PIK3C2G: variants seen among roughly 807,000 people sequenced by gnomAD.
The protein encoded by PIK3C2G is phosphatidylinositol-4-phosphate 3-kinase catalytic subunit type 2 gamma, also known as phosphatidylinositol 3-kinase C2 domain-containing subunit gamma.
A neutral mutation model predicts 181.1 loss-of-function variants in PIK3C2G; 168 were observed. That is an observed-to-expected ratio of 0.93 (90% confidence interval 0.82 to 1.05). PIK3C2G has a LOEUF of 1.05. Among genes scored for constraint, PIK3C2G ranks in the 50% least tolerant of loss-of-function variants. The pLI, the probability that PIK3C2G is intolerant of heterozygous loss-of-function variation, is 0.00. For synonymous variants in PIK3C2G, 573 were observed against 592.2 expected (o/e 0.97, Z 0.47); for missense variants, 1,869 against 1,732.8 (o/e 1.08, Z -1.40).
At chr12:18,676,685 G>A in the PIK3C2G span, among the ~76,000 whole-genome samples, 1 of 152,252 alleles carries the variant, frequency 6.6e-6, no homozygotes, top group South Asian at 2.1e-4. Context: ...TACTATAAAT[G>A]TAATGAATTA....
intron 18 of PIK3C2G, among the ~76,000 whole-genome samples, chr12:18,477,246 A>G (rs1461542914): frequency 2.0e-5 from 3 of 152,228 alleles, no homozygotes; most frequent in South Asian, 4.1e-4. Context: ...GCTTTGGCAT[A>G]TGAGTTTTGG....
intron 7 of PIK3C2G, among the ~76,000 whole-genome samples, chr12:18,322,974 G>A (rs1446786713): frequency 2.0e-5 from 3 of 152,142 alleles, no homozygotes; most frequent in Admixed American, 1.3e-4. Context: ...AATATGGGAA[G>A]TTTTTCAAAA....
chr12:18,390,430 C>T (rs1267311263), intron 14 of PIK3C2G, among the ~76,000 whole-genome samples: 1 of 152,084 alleles, frequency 6.6e-6, no homozygotes, highest in Non-Finnish European at 1.5e-5. Context: ...TAGCCTGGAA[C>T]TGTCTTTTTG....
downstream of PIK3C2G, among the ~76,000 whole-genome samples, chr12:18,650,882 C>T (rs1950484027): frequency 6.6e-6 from 1 of 151,258 alleles, no homozygotes. Context: ...TGCTATCATC[C>T]TTGGCCTGGA....
chr12:18,594,713 A>T (rs1947264636), intron 30 of PIK3C2G, 144 bp downstream of exon 30: 1 of 449,040 alleles, frequency 2.2e-6, no homozygotes, highest in African/African-American at 2.1e-5. Context: ...CCATTTCCAT[A>T]GCGTAAACTT....
At chr12:18,628,927 G>GA (rs1592752249) in intron 31 of PIK3C2G, among the ~76,000 whole-genome samples, 2 of 152,068 alleles carry the variant, frequency 1.3e-5, no homozygotes, top group South Asian at 2.1e-4. Context: ...CCCCATCTCT[G>GA]AAAAAATAAT....
At chr12:18,297,781 T>C (rs191265507) in intron 5 of PIK3C2G, among the ~76,000 whole-genome samples, 9 of 152,034 alleles carry the variant, frequency 5.9e-5, no homozygotes, top group Non-Finnish European at 1.2e-4. Flanking sequence ...AGTAAGAATA[T>C]AGAATATTTT....
At position 18,282,484 on chromosome 12, in the gene PIK3C2G, G is replaced by T; in HGVS notation, c.403G>T (p.Gly135Cys). 2 of 1,612,862 alleles carry T rather than the reference G, an allele frequency of 1.2e-6. No individual in the cohort carries two copies. Reference sequence around the variant, plus strand: ...GGGAAGCCCCATAGGAAAACATCATGGTGCTGATGATTCCAGATTCAGTAT... The same window carrying T: ...GGGAAGCCCCATAGGAAAACATCATTGTGCTGATGATTCCAGATTCAGTAT... ...SWGSPIGKHH[G>C]ADDSRFSILA... The change falls in exon 2 of 33, where the codon GGT becomes TGT. Residue 135 changes from glycine to cysteine, a missense_variant. Physicochemically the swap from Gly to Cys is radical, Grantham distance 159. Coordinates refer to ENST00000538779, the MANE Select transcript of PIK3C2G (RefSeq NM_001288772.2).
chr12:18,438,431 A>G (rs977626921), intron 18 of PIK3C2G, among the ~76,000 whole-genome samples: 1 of 151,896 alleles, frequency 6.6e-6, no homozygotes, highest in African/African-American at 2.4e-5. Flanking sequence ...CTAATCATCT[A>G]ACTTTTCTGC....
At chr12:18,249,994 G>A (rs2136947417) in intron 1 of PIK3C2G, among the ~76,000 whole-genome samples, 1 of 151,952 alleles carries the variant, frequency 6.6e-6, no homozygotes. Flanking sequence ...AGGTAAATGG[G>A]GGATGCCCTG....
chr12:18,387,676 G>A lies in PIK3C2G; in HGVS notation c.1996-3446G>A, dbSNP rs115194442. ...TTAAGTGCCCTTCTTCTATGTTCACGTAATACCCAATAGCATTTTTATCAA... is the reference window on the plus strand; with the variant it reads ...TTAAGTGCCCTTCTTCTATGTTCACATAATACCCAATAGCATTTTTATCAA... On this transcript the variant is annotated intron_variant, in intron 14 of 32. Coordinates refer to ENST00000538779, the MANE Select transcript of PIK3C2G (RefSeq NM_001288772.2). Among the ~76,000 whole-genome samples, 1,171 of 152,100 alleles carry A rather than the reference G, an allele frequency of 7.7e-3. 15 individuals carry two copies. Among genetic ancestry groups the A allele is most frequent in the African/African-American group, 0.027 (1,111 of 41,478 alleles).
At chr12:18,536,417 T>A (rs1208020628) in intron 24 of PIK3C2G, among the ~76,000 whole-genome samples, 3 of 152,134 alleles carry the variant, frequency 2.0e-5, no homozygotes, top group African/African-American at 7.2e-5. Context: ...ATCTCCATTT[T>A]ACAAAGAAGG....
intron 9 of PIK3C2G, among the ~76,000 whole-genome samples, chr12:18,341,625 T>C (rs989110409): frequency 1.3e-5 from 2 of 152,154 alleles, no homozygotes; most frequent in Non-Finnish European, 2.9e-5. Context: ...CTTTTGTTCA[T>C]CTCTTTTTCC....
At chr12:18,427,744 G>C (rs1945916256) in intron 18 of PIK3C2G, among the ~76,000 whole-genome samples, 1 of 151,712 alleles carries the variant, frequency 6.6e-6, no homozygotes, top group Admixed American at 6.6e-5. Flanking sequence ...CAAAAAGGTT[G>C]GAAGGGAAGC....
chr12:18,521,015 G>GCTGCAGTTT (rs1443497931), intron 24 of PIK3C2G, among the ~76,000 whole-genome samples: 7 of 152,168 alleles, frequency 4.6e-5, no homozygotes, highest in African/African-American at 1.7e-4. Flanking sequence ...CTGTAGGGCT[G>GCTGCAGTTT]CTGCAGTTTG....
chr12:18,290,080 TA>T (rs1949624325), intron 3 of PIK3C2G, among the ~76,000 whole-genome samples: 3 of 152,194 alleles, frequency 2.0e-5, no homozygotes, highest in Admixed American at 6.5e-5. Context: ...ATGTCTTTTC[TA>T]TTGTAATAGA....
upstream of PIK3C2G, among the ~76,000 whole-genome samples, chr12:18,256,679 T>G (rs750699561): frequency 6.6e-6 from 1 of 152,142 alleles, no homozygotes; most frequent in Non-Finnish European, 1.5e-5. Context: ...TTCTGGCAAG[T>G]AATCTCCCTT....
chr12:18,641,024 A>G (rs1175742826), intron 32 of PIK3C2G, among the ~76,000 whole-genome samples: 17 of 152,148 alleles, frequency 1.1e-4, no homozygotes, highest in Admixed American at 1.1e-3. Flanking sequence ...GTAATGTGCA[A>G]TTCCCTAACT....
chr12:18,621,360 T>C (rs1455245266), intron 31 of PIK3C2G, among the ~76,000 whole-genome samples: 2 of 151,890 alleles, frequency 1.3e-5, no homozygotes, highest in East Asian at 3.9e-4. Flanking sequence ...TAGAAAAACT[T>C]GCCCAACTTC....
Sources: gnomAD v4.1 joint callset for allele counts (sites outside exome capture counted in the v4.1 genomes callset) on GRCh38, gnomAD v4.1.1 for gene constraint, MANE v1.5 for transcripts, NCBI Gene and HGNC (gene_info 2026-07-23, HGNC 2026-07-21) for gene names.